Variants in TECRL observed in about 807,000 individuals in gnomAD.
The protein encoded by TECRL is trans-2,3-enoyl-CoA reductase-like.
TECRL carries 63 observed loss-of-function variants against 52.8 expected under a neutral mutation model. The observed-to-expected ratio is 1.19, with a 90% confidence interval of 0.97 to 1.47. TECRL has a LOEUF of 1.47. Among genes scored for constraint, TECRL ranks in the 40% most tolerant of loss-of-function variants. The probability of loss-of-function intolerance (pLI) is 0.00; values close to 1 mark genes in which losing one functional copy is unlikely to be tolerated. For missense variants in TECRL, 482 were observed against 429.6 expected, an observed-to-expected ratio of 1.12 and a Z score of -1.08; for synonymous variants, 164 against 141.9, an observed-to-expected ratio of 1.16 and a Z score of -1.10.
At chr4:64,363,661 A>G (rs926588113) in intron 2 of TECRL, among the ~76,000 whole-genome samples, 1 of 152,164 alleles carries the variant, frequency 6.6e-6, no homozygotes, top group African/African-American at 2.4e-5. Context: ...AACATTTTTA[A>G]ATAAAGAAGA....
At chr4:64,277,642 T>C (rs1253011652), downstream of TECRL, 1 of 151,826 alleles carries the variant, frequency 6.6e-6, no homozygotes, top group African/African-American at 2.4e-5. Context: ...TATATATAGT[T>C]GTATATGTGT....
At chr4:64,358,369 T>A (rs1720932792) in intron 2 of TECRL, among the ~76,000 whole-genome samples, 1 of 151,860 alleles carries the variant, frequency 6.6e-6, no homozygotes, top group South Asian at 2.1e-4. Context: ...TGCCTTCTTA[T>A]GGAGGCAGTT....
intron 2 of TECRL, among the ~76,000 whole-genome samples, chr4:64,361,800 C>A (rs907348495): frequency 2.0e-5 from 3 of 152,048 alleles, no homozygotes; most frequent in Non-Finnish European, 4.4e-5. Flanking sequence ...ACTTTAAAAG[C>A]CAGAGTAACT....
At chr4:64,377,862 A>C (rs1377214735) in intron 1 of TECRL, among the ~76,000 whole-genome samples, 2 of 152,054 alleles carry the variant, frequency 1.3e-5, no homozygotes, top group African/African-American at 4.8e-5. Flanking sequence ...AGCCACTTTC[A>C]CAGTAAATTC....
intron 8 of TECRL, among the ~76,000 whole-genome samples, chr4:64,297,178 T>G (rs562095751): frequency 6.6e-6 from 1 of 151,418 alleles, no homozygotes; most frequent in Non-Finnish European, 1.5e-5. Flanking sequence ...AGAATAGTAG[T>G]AGAAAAAACA....
At chr4:64,337,349 C>T (rs1402360031) in intron 2 of TECRL, among the ~76,000 whole-genome samples, 1 of 152,136 alleles carries the variant, frequency 6.6e-6, no homozygotes, top group African/African-American at 2.4e-5. Flanking sequence ...TGGAAGCATT[C>T]CCTTTGAAAA....
chr4:64,395,190 G>T (rs1038813633), intron 1 of TECRL, among the ~76,000 whole-genome samples: 3 of 151,908 alleles, frequency 2.0e-5, no homozygotes, highest in East Asian at 3.9e-4. Context: ...AAATTGCTGG[G>T]ATTACAGACG....
chr4:64,317,520 T>C (rs1456105815), intron 4 of TECRL, among the ~76,000 whole-genome samples: 2 of 152,126 alleles, frequency 1.3e-5, no homozygotes, highest in Admixed American at 1.3e-4. Context: ...GAAAACAAAA[T>C]AAAGTAGTTT....
At position 64,308,296 on chromosome 4, in the gene TECRL, C is replaced by T. The variant is rs79014562; in HGVS notation, c.657+1530G>A. Among the ~76,000 whole-genome samples, 1,348 of 152,186 alleles carry T rather than the reference C, an allele frequency of 8.9e-3. 18 individuals are homozygous for T. The highest frequency in any genetic ancestry group is 0.031 in the African/African-American group (1,279 of 41,504). On this transcript the variant is annotated intron_variant, in intron 6 of 11. Coordinates refer to ENST00000381210, the MANE Select transcript of TECRL (RefSeq NM_001010874.5). ...TCAGAAGAAACTCTCCAGCCACCTG[C>T]GCAGGTACAGACAAGAACTGAGATG...
chr4:64,300,105 G>A, intron 7 of TECRL, 88 bp from the exon 8 acceptor site: 1 of 955,862 alleles, frequency 1.0e-6, no homozygotes, highest in Non-Finnish European at 1.5e-6. Context: ...TATTTATTGG[G>A]TATAAATTCT....
intron 2 of TECRL, among the ~76,000 whole-genome samples, chr4:64,346,879 C>A (rs1720026733): frequency 6.6e-6 from 1 of 152,238 alleles, no homozygotes; most frequent in Non-Finnish European, 1.5e-5. Context: ...TCTTTACAAA[C>A]TAAACCCTGT....
chr4:64,319,881 A>G (rs956729244), intron 4 of TECRL, among the ~76,000 whole-genome samples: 1 of 151,914 alleles, frequency 6.6e-6, no homozygotes, highest in Admixed American at 6.6e-5. Flanking sequence ...TTTATAGAGC[A>G]TTTTCCACAT....
chr4:64,387,914 T>C (rs922949297), intron 1 of TECRL, among the ~76,000 whole-genome samples: 2 of 151,824 alleles, frequency 1.3e-5, no homozygotes, highest in African/African-American at 4.8e-5. Flanking sequence ...ATTACATACA[T>C]ATATGTCTTT....
intron 2 of TECRL, among the ~76,000 whole-genome samples, chr4:64,361,126 C>T (rs970621466): frequency 6.6e-6 from 1 of 152,142 alleles, no homozygotes; most frequent in Non-Finnish European, 1.5e-5. Flanking sequence ...CCACTTGCAG[C>T]ACAGCCTCAG....
At chr4:64,386,423 G>C (rs1232458788) in intron 1 of TECRL, among the ~76,000 whole-genome samples, 1 of 152,050 alleles carries the variant, frequency 6.6e-6, no homozygotes, top group Non-Finnish European at 1.5e-5. Flanking sequence ...TGTTGTCTCA[G>C]GGGTGGTAGA....
chr4:64,302,727 G>T (rs566387551), intron 7 of TECRL, among the ~76,000 whole-genome samples: 59 of 151,464 alleles, frequency 3.9e-4, no homozygotes, highest in African/African-American at 1.4e-3. Flanking sequence ...TGGGTTTAAT[G>T]TGGCAAAGTA....
chr4:64,315,598 T>C, intron 4 of TECRL, among the ~76,000 whole-genome samples: 1 of 51,474 alleles, frequency 1.9e-5, no homozygotes, highest in East Asian at 5.8e-4. Flanking sequence ...TTTGTCTTCA[T>C]CTGCTACCAT....
At position 64,280,066 on chromosome 4, in the gene TECRL, C is replaced by T. The variant is rs954718269; in HGVS notation, c.*6G>A. 1 of 1,586,088 alleles carries T rather than the reference C, an allele frequency of 6.3e-7. No homozygotes were observed. Among genetic ancestry groups the T allele is most frequent in the East Asian group, 2.3e-5 (1 of 44,282 alleles). On this transcript the variant is annotated 3_prime_UTR_variant, in exon 12 of 12. Coordinates refer to ENST00000381210, the MANE Select transcript of TECRL (RefSeq NM_001010874.5). ...GCTGTTTTCTATAGGAGATAAGATT[C>T]TTTTTTTACAATATGAATGGAATCA...
At chr4:64,409,075 A>G (rs1239213535) in intron 1 of TECRL, 43 bp downstream of exon 1, 1 of 1,476,562 alleles carries the variant, frequency 6.8e-7, no homozygotes, top group African/African-American at 1.4e-5. Context: ...GCAGAGAAGA[A>G]ACACTTAAAC....
Sources: allele counts gnomAD v4.1 joint callset (sites outside exome capture counted in the v4.1 genomes callset), GRCh38; gene constraint gnomAD v4.1.1; transcripts MANE v1.5; gene names NCBI Gene and HGNC (gene_info 2026-07-23, HGNC 2026-07-21).